LOC128462377: variants seen among roughly 807,000 people sequenced by gnomAD.
At chr16:89,384,196 G>A in the LOC128462377 span, among the ~76,000 whole-genome samples, 7 of 152,276 alleles carry the variant, frequency 4.6e-5, no homozygotes, top group Non-Finnish European at 8.8e-5. Flanking sequence ...CTCCAGCCTG[G>A]GTGACAGAGC....
At chr16:89,334,173 A>AAAAAAAAC in the LOC128462377 span, among the ~76,000 whole-genome samples, 2 of 148,826 alleles carry the variant, frequency 1.3e-5, no homozygotes, top group African/African-American at 5.0e-5. Flanking sequence ...AAAAAAAAAA[A>AAAAAAAAC]CAGAGAGAGA....
At chr16:89,394,847 ACTC>A in the LOC128462377 span, among the ~76,000 whole-genome samples, 3 of 151,910 alleles carry the variant, frequency 2.0e-5, no homozygotes, top group African/African-American at 7.3e-5. Flanking sequence ...AAACGTCCAG[ACTC>A]CTCATTTCCA....
the LOC128462377 span, among the ~76,000 whole-genome samples, chr16:89,389,580 C>T: frequency 9.9e-5 from 15 of 152,230 alleles, no homozygotes; most frequent in South Asian, 4.2e-4. Flanking sequence ...ATGAAGATGA[C>T]GCTGTGTGAG....
chr16:89,418,210 G>C, the LOC128462377 span: 1 of 443,648 alleles, frequency 2.3e-6, no homozygotes. Flanking sequence ...GGACACTCAC[G>C]CATTATTTTG....
the LOC128462377 span, among the ~76,000 whole-genome samples, chr16:89,370,431 G>A: frequency 2.6e-5 from 4 of 152,142 alleles, no homozygotes; most frequent in East Asian, 1.9e-4. Context: ...CCCTCCTGCC[G>A]TTATCCAGGG....
the LOC128462377 span, chr16:89,324,460 C>T: frequency 2.2e-6 from 1 of 458,174 alleles, no homozygotes; most frequent in African/African-American, 2.0e-5. Flanking sequence ...TACTGAGTTT[C>T]AACTTGACTG....
At chr16:89,333,634 C>A in the LOC128462377 span, among the ~76,000 whole-genome samples, 2 of 152,136 alleles carry the variant, frequency 1.3e-5, no homozygotes, top group Admixed American at 6.5e-5. Context: ...TCCTTGGAGA[C>A]GGGCTGCTTT....
At chr16:89,325,449 CCTCTCT>C in the LOC128462377 span, among the ~76,000 whole-genome samples, 1 of 139,530 alleles carries the variant, frequency 7.2e-6, no homozygotes, top group South Asian at 2.3e-4. Flanking sequence ...TCTCCCCTCT[CCTCTCT>C]CTCTCTCTCT....
chr16:89,368,141 T>G, the LOC128462377 span, among the ~76,000 whole-genome samples: 1 of 152,172 alleles, frequency 6.6e-6, no homozygotes, highest in Admixed American at 6.5e-5. Context: ...AAATAAGTCC[T>G]ACATCAAACC....
At chr16:89,321,702 G>GA in the LOC128462377 span, among the ~76,000 whole-genome samples, 146 of 144,748 alleles carry the variant, frequency 1.0e-3, no homozygotes, top group African/African-American at 2.7e-3. Context: ...AAAACTCACA[G>GA]AAAAAAAAAA....
the LOC128462377 span, among the ~76,000 whole-genome samples, chr16:89,338,700 G>C: frequency 7.3e-6 from 1 of 136,600 alleles, no homozygotes; most frequent in Non-Finnish European, 1.5e-5. Flanking sequence ...CCTCCAGCCT[G>C]GGCAGCAAAG....
the LOC128462377 span, among the ~76,000 whole-genome samples, chr16:89,368,764 G>A: frequency 6.6e-6 from 1 of 152,050 alleles, no homozygotes; most frequent in Non-Finnish European, 1.5e-5. Context: ...AAATTAGTCA[G>A]GTGTGGTGGT....
the LOC128462377 span, among the ~76,000 whole-genome samples, chr16:89,369,174 G>C: frequency 6.6e-6 from 1 of 152,130 alleles, no homozygotes; most frequent in African/African-American, 2.4e-5. Flanking sequence ...CCAAACCCAA[G>C]AAGTTTTCCC....
the LOC128462377 span, among the ~76,000 whole-genome samples, chr16:89,394,817 A>G: frequency 1.3e-5 from 2 of 152,006 alleles, no homozygotes; most frequent in Admixed American, 1.3e-4. Context: ...TACACACATG[A>G]GGTTATTGAG....
At chr16:89,418,027 A>T in the LOC128462377 span, among the ~76,000 whole-genome samples, 4 of 152,224 alleles carry the variant, frequency 2.6e-5, no homozygotes, top group African/African-American at 7.2e-5. Context: ...TTTATAGGCT[A>T]TTAACAACCT....
At chr16:89,317,801 T>C in the LOC128462377 span, among the ~76,000 whole-genome samples, 2 of 152,294 alleles carry the variant, frequency 1.3e-5, no homozygotes, top group South Asian at 2.1e-4. Flanking sequence ...AATTTTGCCA[T>C]CTTAACAAGT....
At chr16:89,362,255 G>C in the LOC128462377 span, among the ~76,000 whole-genome samples, 2 of 152,112 alleles carry the variant, frequency 1.3e-5, no homozygotes, top group Non-Finnish European at 1.5e-5. Context: ...TATGCTTTTC[G>C]GGATCTCAGC....
the LOC128462377 span, among the ~76,000 whole-genome samples, chr16:89,383,521 C>A: frequency 6.6e-6 from 1 of 152,234 alleles, no homozygotes; most frequent in Non-Finnish European, 1.5e-5. Context: ...GCTGCTGCCT[C>A]CTGTGTCTGC....
At chr16:89,384,874 GTTTTCTTT>G in the LOC128462377 span, among the ~76,000 whole-genome samples, 44 of 72,768 alleles carry the variant, frequency 6.0e-4, no homozygotes, top group African/African-American at 2.3e-3. Context: ...ATGAGAAATA[GTTTTCTTT>G]TTTTTTTTTT....
Sources: allele counts gnomAD v4.1 joint callset (sites outside exome capture counted in the v4.1 genomes callset), GRCh38; gene constraint gnomAD v4.1.1; transcripts MANE v1.5.